Variants in WDR70 observed in about 807,000 individuals in gnomAD.
WDR70 encodes the protein WD repeat-containing protein 70.
WDR70 carries 53 observed loss-of-function variants against 88.6 expected under a neutral mutation model. That is an observed-to-expected ratio of 0.60 (90% CI 0.48 to 0.75). WDR70 has a LOEUF of 0.75. WDR70 is among the 30% of genes least tolerant of loss of function. WDR70 has a pLI of 0.00. For missense variants in WDR70, 610 were observed against 823.2 expected (o/e 0.74, Z 3.17); for synonymous variants, 280 against 270.0 (o/e 1.04, Z -0.36).
intron 8 of WDR70, among the ~76,000 whole-genome samples, chr5:37,491,851 T>C (rs1581333238): frequency 6.6e-6 from 1 of 152,206 alleles, no homozygotes; most frequent in Non-Finnish European, 1.5e-5. Flanking sequence ...ACTAAAAAAT[T>C]GAATGATTTG....
At chr5:37,524,356 C>G (rs1355614968) in intron 9 of WDR70, among the ~76,000 whole-genome samples, 1 of 152,096 alleles carries the variant, frequency 6.6e-6, no homozygotes, top group African/African-American at 2.4e-5. Context: ...ATTTTCAACC[C>G]AGAATTTCAT....
intron 7 of WDR70, among the ~76,000 whole-genome samples, chr5:37,447,356 C>A (rs1266375062): frequency 6.6e-6 from 1 of 152,106 alleles, no homozygotes; most frequent in Non-Finnish European, 1.5e-5. Context: ...TAAACTAGTT[C>A]AACCATTGTG....
At chr5:37,656,322 C>T (rs1745553167) in intron 10 of WDR70, among the ~76,000 whole-genome samples, 1 of 152,166 alleles carries the variant, frequency 6.6e-6, no homozygotes, top group Non-Finnish European at 1.5e-5. Context: ...GAAGCTTCGT[C>T]CTGGGGAGGG....
At chr5:37,528,977 T>TG (rs1741398325) in intron 9 of WDR70, among the ~76,000 whole-genome samples, 1 of 148,744 alleles carries the variant, frequency 6.7e-6, no homozygotes, top group East Asian at 2.0e-4. Context: ...AAATATTTGA[T>TG]CATTTTGAGT....
intron 10 of WDR70, among the ~76,000 whole-genome samples, chr5:37,650,343 G>A (rs1326079523): frequency 6.6e-6 from 1 of 151,990 alleles, no homozygotes; most frequent in Non-Finnish European, 1.5e-5. Flanking sequence ...AGAGCTTGCA[G>A]TTAGCCGAGA....
Position 37,397,341 on chromosome 5 carries a change from C to A in WDR70, c.492+771C>A, listed in dbSNP as rs184081380. Among the ~76,000 whole-genome samples the A allele has an allele frequency of 2.3e-3, 346 of 152,202 alleles. 1 individual carries two copies. Among genetic ancestry groups the A allele is most frequent in the Admixed American group, 6.6e-3 (100 of 15,266 alleles). ...GTATGCGGCTGGGTGTGGTGGCTCA[C>A]ACCTGTAATCCCAGCACTCTGAGAG... On this transcript the variant is annotated intron_variant, in intron 5 of 17. Transcript: ENST00000265107.
intron 9 of WDR70, among the ~76,000 whole-genome samples, chr5:37,556,302 T>C (rs1445884148): frequency 1.3e-5 from 2 of 152,176 alleles, no homozygotes; most frequent in Non-Finnish European, 2.9e-5. Context: ...GCTACTATCA[T>C]CTAGTTTTTA....
intron 14 of WDR70, chr5:37,722,043 C>G (rs1747834973): frequency 6.6e-6 from 1 of 152,218 alleles, no homozygotes; most frequent in Admixed American, 6.5e-5. Context: ...TAGAAGCAGA[C>G]AGCCCCATCT....
At chr5:37,576,444 C>A (rs1055365417) in intron 9 of WDR70, among the ~76,000 whole-genome samples, 5 of 152,006 alleles carry the variant, frequency 3.3e-5, no homozygotes, top group Non-Finnish European at 7.4e-5. Flanking sequence ...TAATTTGGGA[C>A]CTTTCCTCTG....
chr5:37,417,995 A>G (rs1749815380), intron 5 of WDR70, among the ~76,000 whole-genome samples: 1 of 152,194 alleles, frequency 6.6e-6, no homozygotes, highest in Non-Finnish European at 1.5e-5. Context: ...TCTCCACTCC[A>G]CCCAAAGCAT....
At chr5:37,748,852 A>G (rs138210978) in intron 17 of WDR70, among the ~76,000 whole-genome samples, 34,096 of 152,238 alleles carry the variant, frequency 0.22, 4,775 homozygotes, top group East Asian at 0.4. Flanking sequence ...AGAAACATGA[A>G]AAAAAGCTCA....
intron 3 of WDR70, among the ~76,000 whole-genome samples, chr5:37,389,107 C>G (rs956027469): frequency 2.1e-5 from 2 of 95,186 alleles, no homozygotes; most frequent in African/African-American, 9.1e-5. Flanking sequence ...TTTTTTTTTT[C>G]GTGGAGATGG....
At chr5:37,706,930 G>A (rs1231789341) in intron 13 of WDR70, among the ~76,000 whole-genome samples, 1 of 151,968 alleles carries the variant, frequency 6.6e-6, no homozygotes, top group East Asian at 1.9e-4. Context: ...ATTATGTAAA[G>A]GGCTTCCATT....
chr5:37,751,353 C>A (rs12188864), intron 17 of WDR70, among the ~76,000 whole-genome samples: 33,897 of 152,148 alleles, frequency 0.22, 4,612 homozygotes, highest in East Asian at 0.4. Flanking sequence ...GAAGTTTAAC[C>A]AACTGGGTTG....
intron 10 of WDR70, among the ~76,000 whole-genome samples, chr5:37,694,699 G>T (rs1032030526): frequency 1.3e-5 from 2 of 151,920 alleles, no homozygotes; most frequent in African/African-American, 2.4e-5. Flanking sequence ...CCTGTTGGGG[G>T]GTGTGGGACT....
chr5:37,593,567 G>A (rs577205562), intron 9 of WDR70, among the ~76,000 whole-genome samples: 14 of 152,218 alleles, frequency 9.2e-5, no homozygotes, highest in African/African-American at 2.6e-4. Context: ...CATTTGGGTC[G>A]GTTCCAAGTC....
At chr5:37,547,400 A>G (rs1256863737) in intron 9 of WDR70, among the ~76,000 whole-genome samples, 1 of 152,158 alleles carries the variant, frequency 6.6e-6, no homozygotes, top group Non-Finnish European at 1.5e-5. Context: ...ACTGTCCTTT[A>G]AATTTCTAAG....
intron 10 of WDR70, among the ~76,000 whole-genome samples, chr5:37,669,617 G>T (rs1745964314): frequency 6.6e-6 from 1 of 152,096 alleles, no homozygotes; most frequent in Non-Finnish European, 1.5e-5. Flanking sequence ...GGTCCTCTGA[G>T]AAGCAGACAC....
chr5:37,492,632 G>C (rs1740100075), intron 8 of WDR70, among the ~76,000 whole-genome samples: 1 of 152,178 alleles, frequency 6.6e-6, no homozygotes, highest in Admixed American at 6.5e-5. Flanking sequence ...GAGATTCTCT[G>C]CTGCTGGTTT....
Sources: gnomAD v4.1 joint callset for allele counts (sites outside exome capture counted in the v4.1 genomes callset) on GRCh38, gnomAD v4.1.1 for gene constraint, MANE v1.5 for transcripts, NCBI Gene and HGNC (gene_info 2026-07-23, HGNC 2026-07-21) for gene names.